IL1RAP: variants seen among roughly 807,000 people sequenced by gnomAD.
IL1RAP encodes interleukin 1 receptor accessory protein.
A neutral mutation model predicts 60.7 loss-of-function variants in IL1RAP; 35 were observed. The ratio of observed to expected loss-of-function variants is 0.58; its 90% confidence interval spans 0.44 to 0.76. The LOEUF is 0.76. Among genes scored for constraint, IL1RAP ranks in the 30% least tolerant of loss-of-function variants. The probability of loss-of-function intolerance (pLI) is 0.00; values close to 1 mark genes in which losing one functional copy is unlikely to be tolerated. For missense variants in IL1RAP, 572 were observed against 693.9 expected, an observed-to-expected ratio of 0.82 and a Z score of 1.97; for synonymous variants, 268 against 250.9, an observed-to-expected ratio of 1.07 and a Z score of -0.64.
Position 190,650,451 on chromosome 3 carries a change from A to G in IL1RAP, c.*1746A>G, listed in dbSNP as rs759897564. Reference sequence around the variant, plus strand: ...GCTATGTTAACCTCAGTGCTCAACTATTTGAACTGTTGAGTGATAAAGGAA... The same window carrying G: ...GCTATGTTAACCTCAGTGCTCAACTGTTTGAACTGTTGAGTGATAAAGGAA... On this transcript the variant is annotated 3_prime_UTR_variant, in exon 12 of 12. Transcript: ENST00000447382. The G allele has an allele frequency of 8.4e-5, 82 of 980,902 alleles. No homozygotes were observed. The highest frequency in any genetic ancestry group is 9.6e-5 in the Non-Finnish European group (79 of 825,888). 60.8% of individuals were successfully genotyped at this position (980,902 alleles called of 1,614,324 possible). A position where few individuals can be genotyped will look rare whatever the true frequency, so the allele number is the denominator to read the frequency against.
intron 1 of IL1RAP, among the ~76,000 whole-genome samples, chr3:190,524,799 G>C (rs961321863): frequency 6.6e-6 from 1 of 152,072 alleles, no homozygotes; most frequent in Non-Finnish European, 1.5e-5. Flanking sequence ...GAAAGAGATA[G>C]AACCGGATAA....
At chr3:190,553,591 C>G (rs1417299479) in intron 1 of IL1RAP, among the ~76,000 whole-genome samples, 2 of 152,050 alleles carry the variant, frequency 1.3e-5, no homozygotes, top group African/African-American at 2.4e-5. Context: ...CAGCCCCAGC[C>G]GGGATGGGAC....
chr3:190,638,523 C>T (rs1733402432), intron 9 of IL1RAP, among the ~76,000 whole-genome samples: 1 of 152,170 alleles, frequency 6.6e-6, no homozygotes, highest in South Asian at 2.1e-4. Context: ...TTGTCAGACA[C>T]ATGTTTTGCA....
In IL1RAP at chr3:190,619,727, C is replaced by CAA. The variant is rs113083710; in HGVS notation, c.538-535_538-534dup. On this transcript the variant is annotated intron_variant, in intron 5 of 11. Transcript: ENST00000447382. ...GTCACAGACTGATGAGACCCTATCTCAAAAAAAAAAAAAAGTAATAAAAGA... is the reference window on the plus strand; with the variant it reads ...GTCACAGACTGATGAGACCCTATCTCAAAAAAAAAAAAAAAAGTAATAAAAGA... 1.1e-3 allele frequency among the ~76,000 whole-genome samples: 147 copies of CAA among 129,646 alleles called. 2 individuals carry two copies. Among genetic ancestry groups the CAA allele is most frequent in the African/African-American group, 3.8e-3 (134 of 35,386 alleles). The allele number at this position is 129,646 out of a possible 152,430, so 85.1% of individuals were successfully genotyped here. A position where few individuals can be genotyped will look rare whatever the true frequency, so the allele number is the denominator to read the frequency against.
At position 190,606,418 on chromosome 3, in the gene IL1RAP, T is replaced by G. The variant is rs1029145363; in HGVS notation, c.350+2005T>G. ...TTGGCATACATGCTTGATGAGCTCC[T>G]TTTTTTCTTTGATAACTGTTCATCT... On this transcript the variant is annotated intron_variant, in intron 4 of 11. Coordinates refer to ENST00000447382, the MANE Select transcript of IL1RAP (RefSeq NM_002182.4). 4.6e-5 allele frequency among the ~76,000 whole-genome samples: 7 copies of G among 152,144 alleles called. No individual in the cohort carries two copies. The South Asian group carries it at 1.2e-3, about 27-fold the overall frequency.
intron 3 of IL1RAP, among the ~76,000 whole-genome samples, chr3:190,588,426 C>A (rs565306851): frequency 9.2e-5 from 14 of 152,290 alleles, no homozygotes; most frequent in Non-Finnish European, 1.5e-4. Flanking sequence ...TCTTTCTAAG[C>A]AACCATCTTC....
At chr3:190,546,165 C>T (rs987930928) in intron 1 of IL1RAP, among the ~76,000 whole-genome samples, 7 of 152,114 alleles carry the variant, frequency 4.6e-5, no homozygotes, top group South Asian at 2.1e-4. Context: ...TAAGGGACTT[C>T]GAACCTGCAA....
downstream of IL1RAP, chr3:190,655,865 T>G: frequency 6.7e-7 from 1 of 1,492,016 alleles, no homozygotes; most frequent in Non-Finnish European, 9.0e-7. Context: ...CTATACATTG[T>G]CCTATATTTC....
At chr3:190,520,404 A>G (rs1017388988) in intron 1 of IL1RAP, 4 of 152,166 alleles carry the variant, frequency 2.6e-5, no homozygotes, top group South Asian at 2.1e-4. Context: ...ACAAAATCAG[A>G]CAATGATAAG....
chr3:190,592,121 G>A (rs1214160825), intron 3 of IL1RAP, among the ~76,000 whole-genome samples: 1 of 152,216 alleles, frequency 6.6e-6, no homozygotes, highest in Non-Finnish European at 1.5e-5. Context: ...CCGGGGTCAA[G>A]TGATTCTCTT....
At chr3:190,517,488 C>T (rs1721630861) in intron 1 of IL1RAP, among the ~76,000 whole-genome samples, 2 of 152,228 alleles carry the variant, frequency 1.3e-5, no homozygotes, top group East Asian at 1.9e-4. Flanking sequence ...GTGCTGATTA[C>T]TTGTCTGGAG....
In IL1RAP at chr3:190,516,716, C is replaced by G. The variant is rs144773215; in HGVS notation, c.-89+2497C>G. Among the ~76,000 whole-genome samples, 236 of 137,808 alleles carry G rather than the reference C, an allele frequency of 1.7e-3. 1 individual carries two copies. Among genetic ancestry groups the G allele is most frequent in the African/African-American group, 7.0e-3 (220 of 31,310 alleles). The allele number at this position is 137,808 out of a possible 152,430, so 90.4% of individuals were successfully genotyped here. A position where few individuals can be genotyped will look rare whatever the true frequency, so the allele number is the denominator to read the frequency against. ...TAATCATTTGAAGTTTCTGTTTTAT[C>G]CAGTTCTAAAATGGAAAAAAAAAAT... is the stretch of plus-strand genomic sequence containing the variant. On this transcript the variant is annotated intron_variant, in intron 1 of 11. Coordinates refer to ENST00000447382, the MANE Select transcript of IL1RAP (RefSeq NM_002182.4).
At chr3:190,639,896 AAC>A (rs895578536) in intron 9 of IL1RAP, among the ~76,000 whole-genome samples, 2 of 151,352 alleles carry the variant, frequency 1.3e-5, no homozygotes, top group African/African-American at 2.4e-5. Flanking sequence ...TGGGGAGCTA[AAC>A]ACAGTCTCTT....
intron 1 of IL1RAP, among the ~76,000 whole-genome samples, chr3:190,523,403 T>C (rs1314219598): frequency 6.6e-6 from 1 of 152,162 alleles, no homozygotes; most frequent in Non-Finnish European, 1.5e-5. Context: ...GGGGTACATG[T>C]GCAGGTTTGT....
intron 5 of IL1RAP, among the ~76,000 whole-genome samples, chr3:190,609,742 G>T (rs1182463599): frequency 6.6e-6 from 1 of 152,124 alleles, no homozygotes; most frequent in Non-Finnish European, 1.5e-5. Context: ...GAAACCCCAC[G>T]GCCAGAATTT....
intron 6 of IL1RAP, 29 bp from the exon 7 acceptor site, chr3:190,623,315 A>T (rs1731942459): frequency 1.3e-6 from 2 of 1,548,518 alleles, no homozygotes; most frequent in Admixed American, 1.7e-5. Context: ...ATTTAACATC[A>T]TCTCCCTTTT....
At chr3:190,603,997 G>T in intron 3 of IL1RAP, 131 bp from the exon 4 acceptor site, 1 of 828,702 alleles carries the variant, frequency 1.2e-6, no homozygotes, top group Non-Finnish European at 1.9e-6. Context: ...ATTATTAGAG[G>T]GAGGCTGGAA....
At chr3:190,516,596 A>G (rs1721540893) in intron 1 of IL1RAP, among the ~76,000 whole-genome samples, 1 of 152,196 alleles carries the variant, frequency 6.6e-6, no homozygotes, top group Non-Finnish European at 1.5e-5. Context: ...AAGAATATTA[A>G]TAGAGGAAGG....
chr3:190,542,290 A>G (rs1004425288), intron 1 of IL1RAP, among the ~76,000 whole-genome samples: 6 of 152,198 alleles, frequency 3.9e-5, no homozygotes, highest in Admixed American at 3.3e-4. Context: ...AGGGCAGACA[A>G]TCTGTTGCAG....
Sources: allele counts gnomAD v4.1 joint callset (sites outside exome capture counted in the v4.1 genomes callset), GRCh38; gene constraint gnomAD v4.1.1; transcripts MANE v1.5; gene names NCBI Gene and HGNC (gene_info 2026-07-23, HGNC 2026-07-21).